PTPRG: variants seen among roughly 807,000 people sequenced by gnomAD.
The protein encoded by PTPRG is receptor-type tyrosine-protein phosphatase gamma.
PTPRG carries 102 observed loss-of-function variants against 165.3 expected under a neutral mutation model. The ratio of observed to expected loss-of-function variants is 0.62; its 90% CI spans 0.53 to 0.73. The LOEUF (loss-of-function observed/expected upper bound fraction) is 0.73, where lower values mean the gene tolerates loss of function less well. Among genes scored for constraint, PTPRG ranks in the 30% least tolerant of loss-of-function variants. PTPRG has a pLI of 0.00. For synonymous variants in PTPRG, 675 were observed against 669.5 expected (o/e 1.01, Z -0.13); for missense variants, 1,866 against 1,861.4 (o/e 1.00, Z -0.05).
chr3:61,629,237 C>T (rs1701699191), intron 1 of PTPRG, among the ~76,000 whole-genome samples: 1 of 152,178 alleles, frequency 6.6e-6, no homozygotes, highest in Non-Finnish European at 1.5e-5. Flanking sequence ...TCACTGCAGC[C>T]TCTGCCTCCT....
intron 8 of PTPRG, among the ~76,000 whole-genome samples, chr3:62,180,922 T>C (rs1171453019): frequency 6.6e-6 from 1 of 152,194 alleles, no homozygotes; most frequent in African/African-American, 2.4e-5. Flanking sequence ...CTATTTCTGT[T>C]TTCTGAGCAT....
At chr3:62,178,380 A>G (rs1032071409) in intron 8 of PTPRG, among the ~76,000 whole-genome samples, 8 of 152,232 alleles carry the variant, frequency 5.3e-5, no homozygotes, top group Non-Finnish European at 8.8e-5. Flanking sequence ...TGGGACATGT[A>G]TGATGTAGCC....
intron 2 of PTPRG, among the ~76,000 whole-genome samples, chr3:61,973,482 C>T (rs1035670437): frequency 5.9e-5 from 9 of 152,124 alleles, no homozygotes; most frequent in Non-Finnish European, 8.8e-5. Context: ...CTTCAGTTTC[C>T]TATTAATCGT....
At chr3:61,621,043 A>ATGTGTGTGTG (rs1342796229) in intron 1 of PTPRG, among the ~76,000 whole-genome samples, 1 of 87,802 alleles carries the variant, frequency 1.1e-5, no homozygotes, top group African/African-American at 4.1e-5. Flanking sequence ...GTATATATAT[A>ATGTGTGTGTG]TATATATATG....
intron 5 of PTPRG, among the ~76,000 whole-genome samples, chr3:62,079,638 A>G (rs1701499300): frequency 6.6e-6 from 1 of 152,190 alleles, no homozygotes; most frequent in South Asian, 2.1e-4. Context: ...GTATTGGTCT[A>G]ATTTGCCCAT....
chr3:62,192,679 G>A (rs1699867331), intron 9 of PTPRG, among the ~76,000 whole-genome samples: 1 of 151,972 alleles, frequency 6.6e-6, no homozygotes, highest in African/African-American at 2.4e-5. Flanking sequence ...CCAAAGTGCT[G>A]GGATTACAGG....
At chr3:62,211,723 A>G (rs1338385258) in intron 12 of PTPRG, among the ~76,000 whole-genome samples, 3 of 152,100 alleles carry the variant, frequency 2.0e-5, no homozygotes, top group African/African-American at 7.2e-5. Context: ...CTTGGATCCA[A>G]GCTAGTTTTA....
chr3:61,644,913 G>T (rs1702160648), intron 1 of PTPRG, among the ~76,000 whole-genome samples: 1 of 152,210 alleles, frequency 6.6e-6, no homozygotes, highest in Admixed American at 6.5e-5. Context: ...GTTGCTTTAT[G>T]GTCGACATAA....
intron 2 of PTPRG, among the ~76,000 whole-genome samples, chr3:61,898,587 T>C (rs574942868): frequency 6.6e-6 from 1 of 152,334 alleles, no homozygotes; most frequent in African/African-American, 2.4e-5. Flanking sequence ...GGTTTGGCAG[T>C]TGAAATAGGC....
Position 61,709,376 on chromosome 3 carries a change from G to T in PTPRG, c.86-39502G>T, listed in dbSNP as rs184742639. Among the ~76,000 whole-genome samples the T allele has an allele frequency of 8.0e-4, 121 of 151,998 alleles. 1 individual carries two copies. Among genetic ancestry groups the T allele is most frequent in the African/African-American group, 2.8e-3 (117 of 41,436 alleles). ...GTCACCCAGGCTGGAGTGCAGTGGC[G>T]CAATCTCAGTTTACTGCAACGTCCA... is the stretch of plus-strand genomic sequence containing the variant. On this transcript the variant is annotated intron_variant, in intron 1 of 29. Coordinates refer to ENST00000474889, the MANE Select transcript of PTPRG (RefSeq NM_002841.4).
chr3:61,746,034 T>A lies in PTPRG; in HGVS notation c.86-2844T>A, dbSNP rs74424502. Among the ~76,000 whole-genome samples, 1,251 of 131,476 alleles carry A rather than the reference T, an allele frequency of 9.5e-3. 10 individuals are homozygous for A. The highest frequency in any genetic ancestry group is 0.025 in the East Asian group (111 of 4,390). 86.3% of individuals were successfully genotyped at this position (131,476 alleles called of 152,430 possible). On this transcript the variant is annotated intron_variant, in intron 1 of 29. Coordinates refer to ENST00000474889, the MANE Select transcript of PTPRG (RefSeq NM_002841.4). ...TTATTTTAGTTATTTTATTAAACTT[T>A]CTTTCTTTTTCTTTTCTTTTTTTTT...
rs1007304137 is a variant in PTPRG, at chr3:62,040,477, C to T, written c.519+36980C>T. The stretch of plus-strand genomic sequence containing the variant: ...GTGAGTCCAGTTTTATTTTTTAAGA[C>T]AGAGTCTTACTCTGTTACCAGACTG... On this transcript the variant is annotated intron_variant, in intron 4 of 29. Transcript: ENST00000474889. 2.6e-5 allele frequency among the ~76,000 whole-genome samples: 4 copies of T among 152,202 alleles called. No homozygotes were observed. In the South Asian group the frequency reaches 8.3e-4, roughly 32 times the overall value.
At chr3:62,069,141 G>A (rs2106720209) in intron 4 of PTPRG, among the ~76,000 whole-genome samples, 1 of 152,308 alleles carries the variant, frequency 6.6e-6, no homozygotes, top group Non-Finnish European at 1.5e-5. Context: ...CATGAAGAAA[G>A]TCATCAGGAC....
At chr3:61,804,688 A>T (rs1411998833) in intron 2 of PTPRG, among the ~76,000 whole-genome samples, 2 of 151,980 alleles carry the variant, frequency 1.3e-5, no homozygotes, top group Non-Finnish European at 2.9e-5. Flanking sequence ...CCAAAAAAAA[A>T]AAAAAAATAA....
At chr3:61,796,518 C>G (rs2107150001) in intron 2 of PTPRG, among the ~76,000 whole-genome samples, 1 of 152,318 alleles carries the variant, frequency 6.6e-6, no homozygotes, top group South Asian at 2.1e-4. Flanking sequence ...CTAGGAAGGA[C>G]AAAGTCTGCA....
intron 10 of PTPRG, among the ~76,000 whole-genome samples, chr3:62,200,813 G>T (rs1048519235): frequency 6.6e-6 from 1 of 152,120 alleles, no homozygotes; most frequent in South Asian, 2.1e-4. Context: ...CAAAAGGTAA[G>T]GTGGGCAAAT....
chr3:62,288,156 AAC>A (rs1491081828), intron 28 of PTPRG, among the ~76,000 whole-genome samples: 2 of 151,960 alleles, frequency 1.3e-5, no homozygotes, highest in East Asian at 1.9e-4. Context: ...AAAAAAAAAA[AAC>A]AGCCTGTGTA....
Position 61,952,604 on chromosome 3 carries a change from C to T in PTPRG, c.191-37021C>T, listed in dbSNP as rs924227236. On this transcript the variant is annotated intron_variant, in intron 2 of 29. Coordinates refer to ENST00000474889, the MANE Select transcript of PTPRG (RefSeq NM_002841.4). ...CCCTTATCACCTACTTCCTCCTTGACGCCGGAGTTCTCAGGACACCTTAAA... is the reference window on the plus strand; with the variant it reads ...CCCTTATCACCTACTTCCTCCTTGATGCCGGAGTTCTCAGGACACCTTAAA... 9.2e-5 allele frequency among the ~76,000 whole-genome samples: 14 copies of T among 152,266 alleles called. No homozygotes were observed. The South Asian group carries it at 2.7e-3, about 29-fold the overall frequency.
At chr3:61,776,697 C>T (rs1252709504) in intron 2 of PTPRG, among the ~76,000 whole-genome samples, 2 of 152,022 alleles carry the variant, frequency 1.3e-5, no homozygotes, top group African/African-American at 4.8e-5. Flanking sequence ...TTATATTTTG[C>T]CACGGTCTGT....
Sources: gnomAD v4.1 joint callset for allele counts (sites outside exome capture counted in the v4.1 genomes callset) on GRCh38, gnomAD v4.1.1 for gene constraint, MANE v1.5 for transcripts, NCBI Gene and HGNC (gene_info 2026-07-23, HGNC 2026-07-21) for gene names.